SLC34A2: variants seen among roughly 807,000 people sequenced by gnomAD.
SLC34A2 encodes the protein solute carrier family 34 member 2.
Under a neutral mutation model 50.8 loss-of-function variants are expected in SLC34A2, and 41 were observed. The ratio of observed to expected loss-of-function variants is 0.81; its 90% CI spans 0.63 to 1.05. SLC34A2 has a LOEUF of 1.05. Among genes scored for constraint, SLC34A2 ranks in the 50% least tolerant of loss-of-function variants. The pLI is 0.00. For synonymous variants in SLC34A2, 401 were observed against 364.2 expected (o/e 1.10, Z -1.15); for missense variants, 879 against 876.7 (o/e 1.00, Z -0.03).
intron 2 of SLC34A2, 31 bp downstream of exon 2, chr4:25,662,643 C>A (rs1308987282): frequency 6.2e-7 from 1 of 1,614,002 alleles, no homozygotes; most frequent in African/African-American, 1.3e-5. Context: ...TGCAGATCGG[C>A]CTTTGTGAGG....
In SLC34A2 at chr4:25,664,246, G is replaced by A. The variant is rs747267602; in HGVS notation, c.295G>A (p.Gly99Arg). The change falls in exon 4 of 13, where the codon GGG becomes AGG. Residue 99 changes from glycine (G) to arginine (R), a missense_variant. By Grantham distance (125) the Gly-to-Arg change is moderately radical. Coordinates refer to ENST00000382051, the MANE Select transcript of SLC34A2 (RefSeq NM_006424.3). ...GKILCFFQGI[G>R]RLILLLGFLY... ...GATTCTCTGTTTCTTCCAAGGGATT[G>A]GGAGATTGATTTTACTTCTCGGATT... 5.0e-6 allele frequency: 8 copies of A among 1,612,246 alleles called. No individual in the cohort carries two copies. Among genetic ancestry groups the A allele is most frequent in the Non-Finnish European group, 6.8e-6 (8 of 1,178,836 alleles).
At chr4:25,675,418 G>C (rs1038228277) in intron 12 of SLC34A2, among the ~76,000 whole-genome samples, 1 of 152,332 alleles carries the variant, frequency 6.6e-6, no homozygotes, top group Middle Eastern at 3.4e-3. Context: ...TCATCTGAAA[G>C]ATGGAGGACA....
chr4:25,672,741 T>A (rs1328022286), intron 9 of SLC34A2, among the ~76,000 whole-genome samples: 1 of 151,414 alleles, frequency 6.6e-6, no homozygotes, highest in Non-Finnish European at 1.5e-5. Context: ...GCCCATCGAA[T>A]CCCTCAAAGC....
Position 25,676,199 on chromosome 4 carries a change from C to T in SLC34A2, c.1523C>T (p.Thr508Ile), listed in dbSNP as rs967754975. Residue 508 changes from threonine (T) to isoleucine (I), a missense_variant, in exon 13 of 13, where the codon ACT (threonine) becomes ATT (isoleucine). Thr to Ile is a moderately conservative substitution (Grantham distance 89). Transcript: ENST00000382051. ...GILLWYPIPF[T>I]RLPIRMAKGL... is the part of the protein sequence containing the mutation. ...TTGCTGTGGTACCCGATCCCGTTCA[C>T]TCGCCTGCCCATCCGCATGGCCAAG... The T allele has an allele frequency of 1.6e-5, 26 of 1,614,110 alleles. No homozygotes were observed. Among genetic ancestry groups the T allele is most frequent in the Non-Finnish European group, 1.9e-5 (23 of 1,180,052 alleles).
Position 25,673,181 on chromosome 4 carries a change from C to G in SLC34A2, c.1143C>G (p.Ile381Met). ...TGCTGGTCCTCTGTGGTTGCCTGAT[C>G]ATGATTGTCAAGATCCTGGGCTCTG... ...LSLLVLCGCLIMIVKILGSVL... is the reference protein window; with the variant it reads ...LSLLVLCGCLMMIVKILGSVL... Residue 381 changes from isoleucine (I) to methionine (M), a missense_variant, in exon 10 of 13, where the codon ATC becomes ATG. Coordinates refer to ENST00000382051, the MANE Select transcript of SLC34A2 (RefSeq NM_006424.3). 1.2e-6 allele frequency: 2 copies of G among 1,614,130 alleles called. No individual in the cohort carries two copies. Among genetic ancestry groups the G allele is most frequent in the Non-Finnish European group, 1.7e-6 (2 of 1,180,020 alleles).
Position 25,667,868 on chromosome 4 carries a change from T to G in SLC34A2, c.524-12T>G. 6.3e-7 allele frequency: 1 copy of G among 1,587,566 alleles called. No homozygotes were observed. The highest frequency in any genetic ancestry group is 8.7e-7 in the Non-Finnish European group (1 of 1,155,930). The stretch of plus-strand genomic sequence containing the variant: ...TTTCTAAGCTTGCTAATGGTACTTT[T>G]CCATCCTCTAGTGCTCACTGTTCGG... On this transcript the variant is annotated splice_polypyrimidine_tract_variant and intron_variant, in intron 5 of 12. Transcript: ENST00000382051.
chr4:25,675,987 C>A, intron 12 of SLC34A2, 148 bp from the exon 13 acceptor site: 1 of 1,304,910 alleles, frequency 7.7e-7, no homozygotes, highest in Non-Finnish European at 1.1e-6. Flanking sequence ...CAGGTACCCT[C>A]TGGGCTGAGC....
Position 25,666,144 on chromosome 4 carries a change from G to A in SLC34A2, c.396G>A (p.Gln132=), listed in dbSNP as rs769560906. 4 of 1,613,694 alleles carry A rather than the reference G, an allele frequency of 2.5e-6. No homozygotes were observed. The highest frequency in any genetic ancestry group is 1.7e-5 in the Admixed American group (1 of 59,998). Reference sequence around the variant, plus strand: ...TTTTCCCAGGAAAAATGGCAGGACAGTTCTTCAGCAACAGCTCTATTATGT... The same window carrying A: ...TTTTCCCAGGAAAAATGGCAGGACAATTCTTCAGCAACAGCTCTATTATGT... ...FQLVGGKMAG[Q]FFSNSSIMSN... is the part of the protein sequence containing the mutation. Residue 132 remains glutamine, a synonymous_variant, in exon 5 of 13, where the codon CAG becomes CAA. Coordinates refer to ENST00000382051, the MANE Select transcript of SLC34A2 (RefSeq NM_006424.3).
rs944094725 is a variant in SLC34A2, at chr4:25,676,843, A to G, written c.*94A>G. ...TCTGCACCCTTTCACCACCTCGAGG[A>G]GATTTGCTCCCCATTAGCGAATGAA... On this transcript the variant is annotated 3_prime_UTR_variant, in exon 13 of 13. Transcript: ENST00000382051. The G allele has an allele frequency of 7.7e-6, 12 of 1,557,226 alleles. No homozygotes were observed. Among genetic ancestry groups the G allele is most frequent in the Non-Finnish European group, 1.1e-5 (12 of 1,137,352 alleles).
At chr4:25,671,122 C>T (rs1232807615) in intron 8 of SLC34A2, among the ~76,000 whole-genome samples, 3 of 152,204 alleles carry the variant, frequency 2.0e-5, no homozygotes, top group East Asian at 1.9e-4. Flanking sequence ...CTCTGCCTGC[C>T]GCTCTGTTCT....
At position 25,674,546 on chromosome 4, in the gene SLC34A2, C is replaced by G. The variant is rs1349186972; in HGVS notation, c.1375C>G (p.Leu459Val). The G allele has an allele frequency of 1.2e-6, 2 of 1,614,094 alleles. No individual in the cohort carries two copies. Among genetic ancestry groups the G allele is most frequent in the African/African-American group, 2.7e-5 (2 of 74,928 alleles). The change falls in exon 12 of 13, where the codon CTG becomes GTG. Residue 459 changes from leucine (L) to valine (V), a missense_variant. Physicochemically the swap from Leu to Val is conservative, Grantham distance 32 (BLOSUM62 1). Coordinates refer to ENST00000382051, the MANE Select transcript of SLC34A2 (RefSeq NM_006424.3). ...ITIERAYPLT[L>V]GSNIGTTTTA... ...CATTGAGAGGGCTTATCCACTCACGCTGGGCTCCAACATCGGCACCACCAC... is the reference window on the plus strand; with the variant it reads ...CATTGAGAGGGCTTATCCACTCACGGTGGGCTCCAACATCGGCACCACCAC...
chr4:25,676,975 C>A lies in SLC34A2; in HGVS notation c.*226C>A. 3.3e-6 allele frequency: 2 copies of A among 597,480 alleles called. No homozygotes were observed. The highest frequency in any genetic ancestry group is 6.0e-6 in the Non-Finnish European group (2 of 335,876). 37.0% of individuals were successfully genotyped at this position (597,480 alleles called of 1,614,324 possible). ...TCAGTAATCTTTTACTCCAGGAAGG[C>A]ACAGGATGGTACCTAAAGAGAATTA... is the stretch of plus-strand genomic sequence containing the variant. On this transcript the variant is annotated 3_prime_UTR_variant, in exon 13 of 13. Transcript: ENST00000382051.
chr4:25,675,018 AATTT>A (rs34344054), intron 12 of SLC34A2, among the ~76,000 whole-genome samples: 7 of 152,148 alleles, frequency 4.6e-5, no homozygotes, highest in Non-Finnish European at 7.4e-5. Flanking sequence ...TTGGGATTTG[AATTT>A]ATTTATTTAT....
intron 6 of SLC34A2, 99 bp from the exon 7 acceptor site, chr4:25,669,548 A>G (rs1714700569): frequency 1.9e-6 from 2 of 1,031,812 alleles, no homozygotes; most frequent in Non-Finnish European, 3.1e-6. Context: ...CATAGGTGAC[A>G]CCTAGCAGAG....
chr4:25,657,778 G>T (rs1375280403), intron 1 of SLC34A2, among the ~76,000 whole-genome samples: 1 of 152,080 alleles, frequency 6.6e-6, no homozygotes, highest in East Asian at 1.9e-4. Flanking sequence ...AGTAATGTAG[G>T]GACAGGGTCT....
rs754178434 is a variant in SLC34A2, at chr4:25,676,612, G to C, written c.1936G>C (p.Glu646Gln). The C allele has an allele frequency of 1.9e-6, 3 of 1,613,752 alleles. No homozygotes were observed. The African/African-American group carries it at 4.0e-5, about 22-fold the overall frequency. The change falls in exon 13 of 13, where the codon GAG becomes CAG. Residue 646 changes from glutamate to glutamine, a missense_variant. Coordinates refer to ENST00000382051, the MANE Select transcript of SLC34A2 (RefSeq NM_006424.3). ...GTGCTGCCGCTGCAGCAAGTGCTGC[G>C]AGGACTTGGAGGAGGCGCAGGAGGG... ...PKCCRCSKCC[E>Q]DLEEAQEGQD... is the part of the protein sequence containing the mutation.
At chr4:25,673,355 T>C in intron 10 of SLC34A2, 101 bp downstream of exon 10, 2 of 1,135,736 alleles carry the variant, frequency 1.8e-6, no homozygotes, top group Non-Finnish European at 2.6e-6. Context: ...GCATGGAGTT[T>C]CTCTCTCAGA....
intron 1 of SLC34A2, among the ~76,000 whole-genome samples, chr4:25,658,266 A>G (rs1285026202): frequency 6.6e-6 from 1 of 152,216 alleles, no homozygotes; most frequent in Admixed American, 6.5e-5. Flanking sequence ...TGTGCCCAGC[A>G]CTGTCCTATG....
intron 4 of SLC34A2, 22 bp from the exon 5 acceptor site, chr4:25,666,105 GT>G: frequency 4.4e-6 from 7 of 1,594,714 alleles, no homozygotes; most frequent in Non-Finnish European, 6.0e-6. Flanking sequence ...GATTGTTTTT[GT>G]TTGTTTGTTT....
Sources: allele counts gnomAD v4.1 joint callset (sites outside exome capture counted in the v4.1 genomes callset), GRCh38; gene constraint gnomAD v4.1.1; transcripts MANE v1.5; gene names NCBI Gene and HGNC (gene_info 2026-07-23, HGNC 2026-07-21).